The following ROR2 variants were observed in gnomAD, a reference collection of about 807,000 sequenced individuals.
The protein encoded by ROR2 is ROR family WNT receptor 2, also known as tyrosine-protein kinase transmembrane receptor ROR2.
ROR2 carries 33 observed loss-of-function variants against 74.9 expected under a neutral mutation model. That is an observed-to-expected ratio of 0.44 (90% CI 0.33 to 0.59). The LOEUF (loss-of-function observed/expected upper bound fraction) is 0.59. ROR2 is among the 20% of genes least tolerant of loss of function. ROR2 has a pLI of 0.02. For missense variants in ROR2, 1,216 were observed against 1,313.8 expected (o/e 0.93, Z 1.15); for synonymous variants, 586 against 558.7 (o/e 1.05, Z -0.69).
chr9:91,816,218 T>C (rs982790365), intron 1 of ROR2, among the ~76,000 whole-genome samples: 3 of 152,136 alleles, frequency 2.0e-5, no homozygotes, highest in African/African-American at 7.2e-5. Flanking sequence ...CTCACTGCTG[T>C]GGCCTGGCCC....
intron 1 of ROR2, among the ~76,000 whole-genome samples, chr9:91,887,788 CTTTTTTTTTT>C (rs771557997): frequency 3.3e-4 from 33 of 100,686 alleles, no homozygotes; most frequent in Admixed American, 8.0e-4. Flanking sequence ...CTTTTTTTCT[CTTTTTTTTTT>C]TTTTTTTTTT....
At chr9:91,937,794 G>A (rs1187539067) in intron 1 of ROR2, among the ~76,000 whole-genome samples, 1 of 152,126 alleles carries the variant, frequency 6.6e-6, no homozygotes, top group African/African-American at 2.4e-5. Flanking sequence ...ACTCACTACA[G>A]CCTTGAACTC....
At chr9:91,759,292 A>C (rs1447391038) in intron 2 of ROR2, among the ~76,000 whole-genome samples, 2 of 152,178 alleles carry the variant, frequency 1.3e-5, no homozygotes, top group African/African-American at 4.8e-5. Flanking sequence ...CTGTCTGCAG[A>C]GTAGTCATTA....
intron 3 of ROR2, among the ~76,000 whole-genome samples, chr9:91,756,419 C>A (rs558464550): frequency 6.6e-6 from 1 of 152,174 alleles, no homozygotes; most frequent in Non-Finnish European, 1.5e-5. Flanking sequence ...GTGGCAGGGC[C>A]GGGGCGTTTG....
At chr9:91,929,913 C>T (rs1831507021) in intron 1 of ROR2, among the ~76,000 whole-genome samples, 1 of 152,040 alleles carries the variant, frequency 6.6e-6, no homozygotes, top group South Asian at 2.1e-4. Context: ...ACACAGAGAG[C>T]AAAGATGAAG....
chr9:91,915,903 C>G (rs1032055711), intron 1 of ROR2, among the ~76,000 whole-genome samples: 8 of 152,186 alleles, frequency 5.3e-5, no homozygotes, highest in African/African-American at 1.9e-4. Context: ...TTCTCCAAGT[C>G]CTCACCCCGC....
intron 2 of ROR2, among the ~76,000 whole-genome samples, chr9:91,765,385 T>C (rs1048780721): frequency 1.3e-5 from 2 of 152,244 alleles, no homozygotes; most frequent in Middle Eastern, 3.2e-3. Context: ...GCTTCATTGT[T>C]TACTAGCTTG....
At chr9:91,768,589 G>A (rs559274597) in intron 2 of ROR2, among the ~76,000 whole-genome samples, 19 of 152,282 alleles carry the variant, frequency 1.2e-4, no homozygotes, top group African/African-American at 3.6e-4. Context: ...GGAAACGGCC[G>A]CCCACCATAG....
intron 1 of ROR2, among the ~76,000 whole-genome samples, chr9:91,926,481 G>C (rs1314144186): frequency 1.3e-5 from 2 of 148,474 alleles, no homozygotes; most frequent in African/African-American, 4.9e-5. Flanking sequence ...GGGAGGTGGA[G>C]GTAGCAGTGA....
At position 91,897,075 on chromosome 9, in the gene ROR2, G is replaced by A. The variant is rs114413643; in HGVS notation, c.97+52792C>T. On this transcript the variant is annotated intron_variant, in intron 1 of 8. Coordinates refer to ENST00000375708, the MANE Select transcript of ROR2 (RefSeq NM_004560.4). ...CGGTGCAATGCAGCACTGGCAGCTG[G>A]ATGCACACGTAGACCCCGTAAGTGC... 5.8e-3 allele frequency among the ~76,000 whole-genome samples: 885 copies of A among 152,350 alleles called. 10 individuals are homozygous for A. Among genetic ancestry groups the A allele is most frequent in the African/African-American group, 0.02 (844 of 41,580 alleles).
At chr9:91,862,561 T>C (rs1384725734) in intron 1 of ROR2, among the ~76,000 whole-genome samples, 4 of 150,664 alleles carry the variant, frequency 2.7e-5, no homozygotes, top group Non-Finnish European at 3.0e-5. Flanking sequence ...ACTCAGGAGG[T>C]TGAGGCAGGA....
chr9:91,809,973 C>G (rs1294461882), intron 1 of ROR2, among the ~76,000 whole-genome samples: 1 of 152,246 alleles, frequency 6.6e-6, no homozygotes, highest in Non-Finnish European at 1.5e-5. Context: ...TAAAGCTGAT[C>G]TTGCAATGCA....
intron 1 of ROR2, among the ~76,000 whole-genome samples, chr9:91,819,353 C>T (rs1828055864): frequency 6.6e-6 from 1 of 152,208 alleles, no homozygotes; most frequent in Non-Finnish European, 1.5e-5. Context: ...ACAGGCAAGG[C>T]TGTTCATCTG....
chr9:91,746,500 A>T (rs1825423488), intron 4 of ROR2, among the ~76,000 whole-genome samples: 1 of 152,212 alleles, frequency 6.6e-6, no homozygotes, highest in Non-Finnish European at 1.5e-5. Context: ...ACTCCCCGAA[A>T]ATAGCAATGG....
At chr9:91,860,311 G>T (rs1300188462) in intron 1 of ROR2, among the ~76,000 whole-genome samples, 1 of 152,154 alleles carries the variant, frequency 6.6e-6, no homozygotes, top group African/African-American at 2.4e-5. Flanking sequence ...AGCACCCCAA[G>T]GCTCCCTGGA....
At chr9:91,732,003 TCC>T (rs35976489) in intron 6 of ROR2, among the ~76,000 whole-genome samples, 1 of 152,100 alleles carries the variant, frequency 6.6e-6, no homozygotes, top group Non-Finnish European at 1.5e-5. Context: ...ACTGGTGTCA[TCC>T]CCACGGAATA....
At chr9:91,785,992 G>A (rs143959657) in intron 1 of ROR2, among the ~76,000 whole-genome samples, 151 of 152,042 alleles carry the variant, frequency 9.9e-4, no homozygotes, top group Middle Eastern at 3.4e-3. Flanking sequence ...ACATACACAC[G>A]ACAGAAGTGT....
chr9:91,733,096 C>A lies in ROR2; in HGVS notation c.937+26G>T, dbSNP rs780864822. 2.6e-5 allele frequency: 41 copies of A among 1,564,916 alleles called. No homozygotes were observed. Among genetic ancestry groups the A allele is most frequent in the Non-Finnish European group, 3.3e-5 (38 of 1,158,536 alleles). On this transcript the variant is annotated intron_variant, in intron 6 of 8. Transcript: ENST00000375708. This position sits in a 1 kb window ranked among gnomAD's most constrained non-coding sequence, Gnocchi z 5.7. ...CCCTACACTCCCTGCGCCCCCCGGT[C>A]CCGCCCCGGGCCCTCGGGCACTCAC...
intron 1 of ROR2, among the ~76,000 whole-genome samples, chr9:91,808,287 G>A (rs1587738625): frequency 6.6e-6 from 1 of 152,194 alleles, no homozygotes; most frequent in Admixed American, 6.5e-5. Context: ...GAATGTGGTT[G>A]ATGTGAGAAA....
Sources: gnomAD v4.1 joint callset for allele counts (sites outside exome capture counted in the v4.1 genomes callset) on GRCh38, gnomAD v4.1.1 for gene constraint, Gnocchi (gnomAD v3.1) non-coding constraint, MANE v1.5 for transcripts, NCBI Gene and HGNC (gene_info 2026-07-23, HGNC 2026-07-21) for gene names.